Variants in TNS1 observed in about 807,000 individuals in gnomAD.
The protein encoded by TNS1 is tensin-1.
In TNS1, 62 loss-of-function variants were observed where a neutral mutation model predicts 168.6. That is an observed-to-expected ratio of 0.37 (90% CI 0.30 to 0.45). The LOEUF is 0.45. Among genes scored for constraint, TNS1 ranks in the 20% least tolerant of loss-of-function variants. The probability of loss-of-function intolerance (pLI) is 1.00; values close to 1 mark genes in which losing one functional copy is unlikely to be tolerated. For synonymous variants in TNS1, 934 were observed against 933.2 expected (o/e 1.00, Z -0.02); for missense variants, 2,240 against 2,339.4 (o/e 0.96, Z 0.88).
At chr2:218,000,590 AAGG>A (rs1471847974) in intron 1 of TNS1, among the ~76,000 whole-genome samples, 1 of 152,210 alleles carries the variant, frequency 6.6e-6, no homozygotes, top group African/African-American at 2.4e-5. Flanking sequence ...CTAGCCATAC[AAGG>A]AGTATATTAT....
chr2:217,859,715 G>A, intron 18 of TNS1: 4 of 1,530,718 alleles, frequency 2.6e-6, no homozygotes, highest in Non-Finnish European at 3.5e-6. Context: ...TGGAAATCAT[G>A]AATAGCAGAG....
At chr2:217,970,750 A>G (rs1179896626) in intron 3 of TNS1, among the ~76,000 whole-genome samples, 3 of 152,134 alleles carry the variant, frequency 2.0e-5, no homozygotes, top group South Asian at 2.1e-4. Context: ...TTCAAGCTAA[A>G]GGGTACAGGG....
rs1230650101 is a variant in TNS1, at chr2:217,829,782, C to T, written c.3373+1673G>A. On this transcript the variant is annotated intron_variant, in intron 22 of 32. Coordinates refer to ENST00000682258, the MANE Select transcript of TNS1 (RefSeq NM_001387777.1). The stretch of plus-strand genomic sequence containing the variant: ...GCTGCCTCCAGCCAGCCTCTTCAAG[C>T]CCTGCTTTGAAAAGCCATTTCCAGA... 14 of 1,514,008 alleles carry T rather than the reference C, an allele frequency of 9.2e-6. No individual in the cohort carries two copies. In the East Asian group the frequency reaches 2.9e-4, roughly 31 times the overall value. 93.8% of individuals were successfully genotyped at this position (1,514,008 alleles called of 1,614,324 possible).
At chr2:217,852,734 G>A (rs1334840146) in intron 18 of TNS1, among the ~76,000 whole-genome samples, 1 of 152,208 alleles carries the variant, frequency 6.6e-6, no homozygotes. Flanking sequence ...CTATCCCCAA[G>A]TGGGCTCCTG....
intron 18 of TNS1, among the ~76,000 whole-genome samples, chr2:217,851,585 A>G (rs1198764805): frequency 6.6e-6 from 1 of 152,134 alleles, no homozygotes; most frequent in Non-Finnish European, 1.5e-5. Context: ...CAGACAACAC[A>G]GGACCAAAGT....
At chr2:217,839,497 C>T (rs546401402) in intron 19 of TNS1, among the ~76,000 whole-genome samples, 1 of 152,232 alleles carries the variant, frequency 6.6e-6, no homozygotes, top group African/African-American at 2.4e-5. Context: ...CAACAGCTCA[C>T]TCCAAGGCTC....
At chr2:217,841,221 C>T in intron 19 of TNS1, 1 of 984,976 alleles carries the variant, frequency 1.0e-6, no homozygotes, top group Non-Finnish European at 1.2e-6. Flanking sequence ...AAGATTGGAG[C>T]CGGTGGAGAG....
chr2:217,973,490 A>G (rs1023801340), intron 3 of TNS1, among the ~76,000 whole-genome samples: 1 of 152,120 alleles, frequency 6.6e-6, no homozygotes, highest in Admixed American at 6.5e-5. Flanking sequence ...GTGGGAATTA[A>G]GGAGACTGGG....
chr2:217,850,387 C>T, intron 18 of TNS1: 3 of 985,272 alleles, frequency 3.0e-6, no homozygotes, highest in Non-Finnish European at 3.6e-6. Flanking sequence ...AAGATGTCTT[C>T]ATGGGGGAGA....
At chr2:218,016,137 C>A (rs1958757810) in intron 1 of TNS1, among the ~76,000 whole-genome samples, 1 of 152,186 alleles carries the variant, frequency 6.6e-6, no homozygotes, top group Non-Finnish European at 1.5e-5. Context: ...CCCCCACCCC[C>A]AGCCGCTCCC....
At chr2:217,832,679 T>A (rs1944609610) in intron 21 of TNS1, among the ~76,000 whole-genome samples, 1 of 151,840 alleles carries the variant, frequency 6.6e-6, no homozygotes, top group Admixed American at 6.6e-5. Flanking sequence ...AAAAATACAC[T>A]CTCTCTCCAT....
rs1259703263 is a variant in TNS1, at chr2:217,842,292, C to A, written c.3007+5218G>T. The A allele has an allele frequency of 2.2e-5, 12 of 555,126 alleles. No homozygotes were observed. The Admixed American group carries it at 3.6e-4, about 17-fold the overall frequency. The allele number at this position is 555,126 out of a possible 1,614,324, so 34.4% of individuals were successfully genotyped here. A position where few individuals can be genotyped will look rare whatever the true frequency, so the allele number is the denominator to read the frequency against. On this transcript the variant is annotated intron_variant, in intron 19 of 32. Coordinates refer to ENST00000682258, the MANE Select transcript of TNS1 (RefSeq NM_001387777.1). ...AACTCCTGACTCATTTATCCAACCA[C>A]TGCAGATGTTTCATGGTCATCTCAA...
At chr2:217,868,425 A>G (rs1949479120) in intron 18 of TNS1, among the ~76,000 whole-genome samples, 1 of 152,222 alleles carries the variant, frequency 6.6e-6, no homozygotes, top group South Asian at 2.1e-4. Flanking sequence ...CTAGTTCTGC[A>G]TAGTGGGAAG....
rs1958459455 is a variant in TNS1, at chr2:217,995,849, C to T, written c.34-4793G>A. On this transcript the variant is annotated intron_variant, in intron 1 of 32. Coordinates refer to ENST00000682258, the MANE Select transcript of TNS1 (RefSeq NM_001387777.1). The surrounding 1 kb of genome is among the most constrained non-coding windows in gnomAD (Gnocchi z 4.1). ...CCAGCCTATAAGTCCTTCTTCTCCT[C>T]CCTCCAAGCCCAGAGCTCTAGCCCC... is the stretch of plus-strand genomic sequence containing the variant. 6.6e-6 allele frequency among the ~76,000 whole-genome samples: 1 copy of T among 152,210 alleles called. No homozygotes were observed. The highest frequency in any genetic ancestry group is 1.5e-5 in the Non-Finnish European group (1 of 68,028).
intron 22 of TNS1, among the ~76,000 whole-genome samples, chr2:217,823,047 C>T (rs1284870674): frequency 6.6e-6 from 1 of 152,230 alleles, no homozygotes; most frequent in Admixed American, 6.5e-5. Context: ...AGAGTCTGTG[C>T]ATCCCTCAGG....
chr2:217,956,050 T>A (rs908774049), intron 3 of TNS1, among the ~76,000 whole-genome samples: 1 of 151,750 alleles, frequency 6.6e-6, no homozygotes, highest in Non-Finnish European at 1.5e-5. Context: ...AGTCCCAGAG[T>A]CACGGAAGGC....
At chr2:217,944,279 C>T (rs926757595) in intron 3 of TNS1, among the ~76,000 whole-genome samples, 1 of 152,202 alleles carries the variant, frequency 6.6e-6, no homozygotes, top group Non-Finnish European at 1.5e-5. Context: ...AGGAGATCAC[C>T]AGGGAATGTG....
At chr2:217,911,419 C>T (rs1217707140) in intron 4 of TNS1, among the ~76,000 whole-genome samples, 3 of 152,214 alleles carry the variant, frequency 2.0e-5, no homozygotes, top group African/African-American at 7.2e-5. Flanking sequence ...ACTCTGAGGT[C>T]CTGCGAGTGC....
At chr2:217,910,290 T>C (rs758921717) in intron 4 of TNS1, among the ~76,000 whole-genome samples, 54 of 152,072 alleles carry the variant, frequency 3.6e-4, no homozygotes, top group Non-Finnish European at 6.9e-4. Flanking sequence ...GCCTTCAGCT[T>C]ACTGGTTGAG....
Sources: gnomAD v4.1 joint callset for allele counts (sites outside exome capture counted in the v4.1 genomes callset) on GRCh38, gnomAD v4.1.1 for gene constraint, Gnocchi (gnomAD v3.1) non-coding constraint, MANE v1.5 for transcripts, NCBI Gene and HGNC (gene_info 2026-07-23, HGNC 2026-07-21) for gene names.